GATC: variants seen among roughly 807,000 people sequenced by gnomAD.
GATC encodes glutamyl-tRNA(Gln) amidotransferase subunit C, mitochondrial.
A neutral mutation model predicts 14.4 loss-of-function variants in GATC; 11 were observed. The ratio of observed to expected loss-of-function variants is 0.77; its 90% CI spans 0.48 to 1.27. The LOEUF (loss-of-function observed/expected upper bound fraction) is 1.27. GATC is among the 50% of genes most tolerant of loss of function. GATC has a pLI of 0.00. For synonymous variants in GATC, 76 were observed against 79.3 expected (o/e 0.96, Z 0.22); for missense variants, 204 against 183.0 (o/e 1.11, Z -0.66).
chr12:120,455,916 G>A (rs1175130408), intron 2 of GATC, among the ~76,000 whole-genome samples: 2 of 151,990 alleles, frequency 1.3e-5, no homozygotes, highest in Admixed American at 6.6e-5. Flanking sequence ...TCGATCTCCT[G>A]ACCTCGTGAT....
intron 2 of GATC, among the ~76,000 whole-genome samples, chr12:120,447,109 C>T (rs1167257): frequency 0.053 from 7,754 of 146,958 alleles, 722 homozygotes; most frequent in African/African-American, 0.19. Context: ...CGGAGTCTCG[C>T]TGTGTTGCCT....
intron 2 of GATC, chr12:120,450,474 T>C (rs1025831122): frequency 9.2e-5 from 14 of 152,334 alleles, no homozygotes; most frequent in African/African-American, 3.4e-4. Context: ...TTTGTGAAAG[T>C]GGTAACAAGT....
intron 3 of GATC, among the ~76,000 whole-genome samples, chr12:120,459,303 C>A (rs543352795): frequency 6.6e-6 from 1 of 152,316 alleles, no homozygotes; most frequent in East Asian, 1.9e-4. Flanking sequence ...CCACACAGAA[C>A]CTTACTTCAG....
chr12:120,446,460 C>G lies in GATC; in HGVS notation c.-21C>G, dbSNP rs1166777118. 1.2e-6 allele frequency: 2 copies of G among 1,604,246 alleles called. No individual in the cohort carries two copies. The highest frequency in any genetic ancestry group is 8.5e-7 in the Non-Finnish European group (1 of 1,173,396). ...CTCGGCGTTACGCGCGGGCGCACTG[C>G]GGGGGCCAAGGAAGGAAGAAATGTG... is the stretch of plus-strand genomic sequence containing the variant. On this transcript the variant is annotated 5_prime_UTR_variant, in exon 1 of 4. Transcript: ENST00000551765.
Position 120,459,981 on chromosome 12 carries a change from G to T in GATC, c.*22G>T, listed in dbSNP as rs1487748330. 1.9e-6 allele frequency: 3 copies of T among 1,591,312 alleles called. No individual in the cohort carries two copies. Among genetic ancestry groups the T allele is most frequent in the African/African-American group, 1.3e-5 (1 of 74,470 alleles). On this transcript the variant is annotated 3_prime_UTR_variant, in exon 4 of 4. Transcript: ENST00000551765. ...CTGAGTAGCTCATTCTGGAAAGGGGGTACTCTGTGAACATGTGGAAGCATA... is the reference window on the plus strand; with the variant it reads ...CTGAGTAGCTCATTCTGGAAAGGGGTTACTCTGTGAACATGTGGAAGCATA...
At chr12:120,447,486 C>T (rs1000760678) in intron 2 of GATC, among the ~76,000 whole-genome samples, 1 of 152,092 alleles carries the variant, frequency 6.6e-6, no homozygotes, top group Non-Finnish European at 1.5e-5. Context: ...AAGACAAGTT[C>T]TTTTCCTCTC....
At chr12:120,455,968 G>C (rs1427854704) in intron 2 of GATC, among the ~76,000 whole-genome samples, 1 of 152,020 alleles carries the variant, frequency 6.6e-6, no homozygotes, top group Non-Finnish European at 1.5e-5. Flanking sequence ...TTACAGGCGT[G>C]AGCCACCGCG....
intron 3 of GATC, 121 bp downstream of exon 3, chr12:120,457,300 A>G: frequency 2.7e-6 from 2 of 746,316 alleles, no homozygotes; most frequent in Non-Finnish European, 4.7e-6. Context: ...GTGCATACAG[A>G]TGGTGGCATT....
rs752964473 is a variant in GATC at position 120,446,474 on chromosome 12, G to A, written c.-7G>A. On this transcript the variant is annotated 5_prime_UTR_variant, in exon 1 of 4. Coordinates refer to ENST00000551765, the MANE Select transcript of GATC (RefSeq NM_176818.3). ...CGGGCGCACTGCGGGGGCCAAGGAA[G>A]GAAGAAATGTGGTCGCGGTTGGTGT... 11 of 1,605,212 alleles carry A rather than the reference G, an allele frequency of 6.9e-6. 1 individual carries two copies. Among genetic ancestry groups the A allele is most frequent in the South Asian group, 4.4e-5 (4 of 90,594 alleles).
intron 3 of GATC, among the ~76,000 whole-genome samples, chr12:120,457,439 A>G (rs1259300575): frequency 6.6e-6 from 1 of 152,024 alleles, no homozygotes; most frequent in Non-Finnish European, 1.5e-5. Flanking sequence ...AGATCTCCCT[A>G]AAGGGGCAGC....
intron 3 of GATC, among the ~76,000 whole-genome samples, chr12:120,458,884 G>A (rs560737629): frequency 7.9e-5 from 12 of 152,110 alleles, no homozygotes; most frequent in Non-Finnish European, 1.8e-4. Context: ...GTTTTGAGAC[G>A]GAGTCTTGCT....
rs1878341437 is a variant in GATC, at chr12:120,461,629, GGT to G, written c.*1672_*1673del. On this transcript the variant is annotated 3_prime_UTR_variant, in exon 4 of 4. Coordinates refer to ENST00000551765, the MANE Select transcript of GATC (RefSeq NM_176818.3). The stretch of plus-strand genomic sequence containing the variant: ...ATTTTTTAAATTAGTGTGCCTATTT[GGT>G]GAAATCTGTGAACTTAATCAAGGAC... 6.5e-6 allele frequency: 1 copy of G among 154,534 alleles called. No individual in the cohort carries two copies. Among genetic ancestry groups the G allele is most frequent in the Non-Finnish European group, 1.4e-5 (1 of 69,728 alleles). 9.6% of individuals were successfully genotyped at this position (154,534 alleles called of 1,614,324 possible). A position where few individuals can be genotyped will look rare whatever the true frequency, so the allele number is the denominator to read the frequency against.
In GATC at chr12:120,461,987, A is replaced by G. The variant is rs1386719095; in HGVS notation, c.*2028A>G. On this transcript the variant is annotated 3_prime_UTR_variant, in exon 4 of 4. Coordinates refer to ENST00000551765, the MANE Select transcript of GATC (RefSeq NM_176818.3). ...GAGCACAAAGCAGCTCAGTTAACCT[A>G]AAAAATAAAGAAAAAATTCCCATCA... 6.3e-6 allele frequency: 10 copies of G among 1,581,804 alleles called. No individual in the cohort carries two copies. The highest frequency in any genetic ancestry group is 1.4e-5 in the African/African-American group (1 of 73,770).
At chr12:120,449,929 A>C (rs997222635) in intron 2 of GATC, among the ~76,000 whole-genome samples, 1 of 151,552 alleles carries the variant, frequency 6.6e-6, no homozygotes, top group African/African-American at 2.4e-5. Flanking sequence ...CGCCCAGCTA[A>C]TTTTGTATTT....
chr12:120,452,542 C>A (rs1182221174), intron 2 of GATC, among the ~76,000 whole-genome samples: 1 of 152,058 alleles, frequency 6.6e-6, no homozygotes, highest in Non-Finnish European at 1.5e-5. Flanking sequence ...GGTGTGTACC[C>A]CTATGGCCAG....
chr12:120,446,948 G>A, intron 2 of GATC, 119 bp downstream of exon 2: 1 of 945,250 alleles, frequency 1.1e-6, no homozygotes, highest in African/African-American at 1.7e-5. Flanking sequence ...TCAGGAACTT[G>A]CCCACAGTCA....
chr12:120,454,203 C>T lies in GATC; in HGVS notation c.255-2873C>T, dbSNP rs118038556. Among the ~76,000 whole-genome samples, 85 of 152,256 alleles carry T rather than the reference C, an allele frequency of 5.6e-4. 1 individual carries two copies. The East Asian group carries it at 0.016, about 29-fold the overall frequency. On this transcript the variant is annotated intron_variant, in intron 2 of 3. Transcript: ENST00000551765. Reference sequence around the variant, plus strand: ...AATGAGTGGTAGGGACTGAGATGTACTGGGGTGCACTAAGGCTTTCTGAAA... The same window carrying T: ...AATGAGTGGTAGGGACTGAGATGTATTGGGGTGCACTAAGGCTTTCTGAAA...
At chr12:120,453,145 G>A (rs1328199120) in intron 2 of GATC, among the ~76,000 whole-genome samples, 2 of 77,718 alleles carry the variant, frequency 2.6e-5, no homozygotes, top group African/African-American at 7.8e-5. Context: ...GAAGCTCAAA[G>A]AAAGAAAAGC....
At chr12:120,453,394 C>T (rs1878100999) in intron 2 of GATC, among the ~76,000 whole-genome samples, 1 of 152,126 alleles carries the variant, frequency 6.6e-6, no homozygotes, top group East Asian at 1.9e-4. Flanking sequence ...GACTTTTTTT[C>T]AGTTCTCCCA....
Sources: gnomAD v4.1 joint callset for allele counts (sites outside exome capture counted in the v4.1 genomes callset) on GRCh38, gnomAD v4.1.1 for gene constraint, MANE v1.5 for transcripts, NCBI Gene and HGNC (gene_info 2026-07-23, HGNC 2026-07-21) for gene names.